The following CDH18 variants were observed in gnomAD, a reference collection of about 807,000 sequenced individuals.
The protein encoded by CDH18 is cadherin 18.
A neutral mutation model predicts 67.9 loss-of-function variants in CDH18; 31 were observed. That is an observed-to-expected ratio of 0.46 (90% CI 0.34 to 0.62). CDH18 has a LOEUF of 0.62. Ranked by LOEUF, CDH18 falls within the 20% of genes least tolerant of loss-of-function variation. The pLI, the probability that CDH18 is intolerant of heterozygous loss-of-function variation, is 0.01. For missense variants in CDH18, 890 were observed against 975.5 expected (o/e 0.91, Z 1.17); for synonymous variants, 362 against 347.2 (o/e 1.04, Z -0.48).
At position 20,130,058 on chromosome 5, in the gene CDH18, A is replaced by ATATTATTATTAT. The variant is rs1249877883; in HGVS notation, c.-518+125374_-518+125385dup. Among the ~76,000 whole-genome samples the ATATTATTATTAT allele has an allele frequency of 2.1e-4, 29 of 140,434 alleles. No homozygotes were observed. In the South Asian group the frequency reaches 3.6e-3, roughly 17 times the overall value. The allele number at this position is 140,434 out of a possible 152,430, so 92.1% of individuals were successfully genotyped here. Reference sequence around the variant, plus strand: ...TATACAGATAATAGATTTAGTGGCAATATTATTATTATTATTGTTATTATT... The same window carrying ATATTATTATTAT: ...TATACAGATAATAGATTTAGTGGCAATATTATTATTATTATTATTATTATTATTGTTATTATT... On this transcript the variant is annotated intron_variant, in intron 2 of 14. Transcript: ENST00000507958.
intron 1 of CDH18, among the ~76,000 whole-genome samples, chr5:20,440,035 T>G: frequency 6.6e-6 from 1 of 151,952 alleles, no homozygotes; most frequent in African/African-American, 2.4e-5. Context: ...AAATAAAATA[T>G]ATTAGTAAAT....
chr5:19,939,750 T>A (rs1340654422), intron 2 of CDH18, among the ~76,000 whole-genome samples: 2 of 151,886 alleles, frequency 1.3e-5, no homozygotes, highest in Admixed American at 1.3e-4. Context: ...TGGAATGATG[T>A]ATACTGGTGA....
At chr5:19,537,497 C>T (rs958166421) in intron 9 of CDH18, among the ~76,000 whole-genome samples, 6 of 152,062 alleles carry the variant, frequency 3.9e-5, no homozygotes, top group African/African-American at 7.2e-5. Context: ...TCCTCCCTAT[C>T]GCTCTGTTTC....
intron 2 of CDH18, among the ~76,000 whole-genome samples, chr5:19,899,648 T>C (rs1789723087): frequency 6.6e-6 from 1 of 152,164 alleles, no homozygotes; most frequent in Non-Finnish European, 1.5e-5. Flanking sequence ...ATAGCACTCC[T>C]ATGCTCATTG....
At chr5:20,403,652 T>C (rs2150132662) in intron 1 of CDH18, among the ~76,000 whole-genome samples, 1 of 152,306 alleles carries the variant, frequency 6.6e-6, no homozygotes, top group Non-Finnish European at 1.5e-5. Context: ...TATTAAACCA[T>C]GCTGTAAAAA....
intron 1 of CDH18, among the ~76,000 whole-genome samples, chr5:20,449,440 A>T (rs1331077332): frequency 6.6e-6 from 1 of 152,086 alleles, no homozygotes; most frequent in Non-Finnish European, 1.5e-5. Flanking sequence ...CTTCATATAA[A>T]TGATGTATAA....
chr5:19,622,782 T>C (rs7702719), intron 5 of CDH18, among the ~76,000 whole-genome samples: 98,184 of 151,830 alleles, frequency 0.65, 32,275 homozygotes, highest in South Asian at 0.76. Context: ...ATCCTTGAAC[T>C]TCCCTGGACC....
intron 2 of CDH18, among the ~76,000 whole-genome samples, chr5:20,059,303 G>T (rs1348604480): frequency 1.3e-5 from 2 of 151,984 alleles, no homozygotes; most frequent in Non-Finnish European, 2.9e-5. Context: ...TGGATTTTTT[G>T]AAGGGTTTTG....
rs1189257278 is a variant in CDH18 at position 20,279,699 on chromosome 5, C to CAAAAAAAAAAAAAAAAAAAAAAA, written c.-579-24217_-579-24195dup. Among the ~76,000 whole-genome samples the CAAAAAAAAAAAAAAAAAAAAAAA allele has an allele frequency of 4.4e-4, 6 of 13,600 alleles. 1 individual carries two copies. The highest frequency in any genetic ancestry group is 7.7e-4 in the Non-Finnish European group (6 of 7,820). 8.9% of individuals were successfully genotyped at this position (13,600 alleles called of 152,430 possible). ...GGGTGACAAAAGAGAAGCTCTGTCTCAAAAAAAAAAAAAAAAAAAAAAAAA... is the reference window on the plus strand; with the variant it reads ...GGGTGACAAAAGAGAAGCTCTGTCTCAAAAAAAAAAAAAAAAAAAAAAAAAAAAAAAAAAAAAAAAAAAAAAAA... On this transcript the variant is annotated intron_variant, in intron 1 of 14. Transcript: ENST00000507958.
intron 1 of CDH18, among the ~76,000 whole-genome samples, chr5:20,325,925 C>T (rs1375899685): frequency 1.3e-5 from 2 of 152,116 alleles, no homozygotes; most frequent in African/African-American, 4.8e-5. Flanking sequence ...ACACCCTTCC[C>T]TCTTGGCTCC....
intron 11 of CDH18, among the ~76,000 whole-genome samples, chr5:19,495,879 T>C (rs1742243231): frequency 6.6e-6 from 1 of 152,082 alleles, no homozygotes; most frequent in African/African-American, 2.4e-5. Flanking sequence ...AGGTATTTAC[T>C]TATATTAGGA....
chr5:19,690,314 A>G (rs4866149), intron 5 of CDH18, among the ~76,000 whole-genome samples: 84,907 of 151,234 alleles, frequency 0.56, 27,002 homozygotes, highest in East Asian at 0.74. Context: ...TAGTGCTGAG[A>G]GGAAAGTTTA....
intron 1 of CDH18, among the ~76,000 whole-genome samples, chr5:20,454,434 T>A: frequency 6.6e-6 from 1 of 152,238 alleles, no homozygotes; most frequent in South Asian, 2.1e-4. Flanking sequence ...AGGTTAAAAT[T>A]GCTGTGTAGA....
chr5:20,091,282 C>T (rs1311353094), intron 2 of CDH18, among the ~76,000 whole-genome samples: 3 of 151,722 alleles, frequency 2.0e-5, no homozygotes, highest in Non-Finnish European at 4.4e-5. Flanking sequence ...GCCAGGAGTA[C>T]CAGACCTGCT....
chr5:20,373,646 A>G (rs1286987684), intron 1 of CDH18, among the ~76,000 whole-genome samples: 1 of 143,300 alleles, frequency 7.0e-6, no homozygotes, highest in East Asian at 2.2e-4. Context: ...AATAAATATA[A>G]ATAAATAAAT....
chr5:19,876,870 A>G (rs887123139), intron 2 of CDH18, among the ~76,000 whole-genome samples: 7 of 152,102 alleles, frequency 4.6e-5, no homozygotes, highest in Admixed American at 1.3e-4. Flanking sequence ...AAAGGTGGCT[A>G]TACAACTCAG....
intron 2 of CDH18, among the ~76,000 whole-genome samples, chr5:20,133,861 A>C (rs1415548747): frequency 6.6e-6 from 1 of 152,122 alleles, no homozygotes; most frequent in African/African-American, 2.4e-5. Flanking sequence ...AATTTTAGAA[A>C]GTTCTTTGAC....
At chr5:20,272,722 T>C (rs1178073824) in intron 1 of CDH18, among the ~76,000 whole-genome samples, 1 of 152,048 alleles carries the variant, frequency 6.6e-6, no homozygotes, top group African/African-American at 2.4e-5. Context: ...TTCATTTTTT[T>C]CCCTCTATGT....
At chr5:20,163,057 C>CTAAATAAATAAA (rs3067898) in intron 2 of CDH18, among the ~76,000 whole-genome samples, 5 of 149,398 alleles carry the variant, frequency 3.3e-5, no homozygotes, top group African/African-American at 1.2e-4. Flanking sequence ...AAAACTGTCT[C>CTAAATAAATAAA]TAAATAAATA....
Sources: gnomAD v4.1 joint callset for allele counts (sites outside exome capture counted in the v4.1 genomes callset) on GRCh38, gnomAD v4.1.1 for gene constraint, MANE v1.5 for transcripts, NCBI Gene and HGNC (gene_info 2026-07-23, HGNC 2026-07-21) for gene names.